Variants in NPY4R2 observed in about 807,000 individuals in gnomAD.
NPY4R2 encodes neuropeptide Y receptor Y4-2.
For missense variants in NPY4R2, 7 were observed against 268.8 expected, an observed-to-expected ratio of 0.03 and a Z score of 6.81; for synonymous variants, 6 against 115.2, an observed-to-expected ratio of 0.05 and a Z score of 6.07.
At chr10:47,920,177 C>G (rs1396718518) in intron 1 of NPY4R2, among the ~76,000 whole-genome samples, 2 of 76,494 alleles carry the variant, frequency 2.6e-5, no homozygotes, top group Non-Finnish European at 4.7e-5. Context: ...TCCTAAATAA[C>G]CAGACTGTAA....
intron 2 of NPY4R2, among the ~76,000 whole-genome samples, chr10:47,921,337 G>A (rs1464610565): frequency 3.3e-5 from 5 of 149,930 alleles, no homozygotes; most frequent in Non-Finnish European, 7.5e-5. Context: ...GGATCCCCGA[G>A]GCTTTAGCTC....
rs1841770002 is a variant in NPY4R2, at chr10:47,921,922, C to G, written c.-59-7C>G. 3.1e-6 allele frequency: 1 copy of G among 317,956 alleles called. No homozygotes were observed. The highest frequency in any genetic ancestry group is 2.4e-5 in the African/African-American group (1 of 42,488). The allele number at this position is 317,956 out of a possible 1,614,324, so 19.7% of individuals were successfully genotyped here. A position where few individuals can be genotyped will look rare whatever the true frequency, so the allele number is the denominator to read the frequency against. ...CCCTGAGTATTGTTTGTCTGTTTGC[C>G]TTGTAGGCGTCATCCCTCAAGTGTA... On this transcript the variant is annotated splice_region_variant and splice_polypyrimidine_tract_variant and intron_variant, in intron 2 of 2. Coordinates refer to ENST00000576178, the Ensembl canonical transcript of NPY4R2.
At chr10:47,915,001 G>A (rs1343666847), upstream of NPY4R2, among the ~76,000 whole-genome samples, 1 of 152,278 alleles carries the variant, frequency 6.6e-6, no homozygotes, top group Non-Finnish European at 1.5e-5. Context: ...ATAAGTACTG[G>A]AAAATAAACT....
chr10:47,922,206 C>T, exon 3 of NPY4R2: 1 of 517,410 alleles, frequency 1.9e-6, no homozygotes, highest in Admixed American at 4.5e-5. Flanking sequence ...AGGAGAAAGC[C>T]AACGTGACCA....
intron 2 of NPY4R2, among the ~76,000 whole-genome samples, chr10:47,921,330 TC>T (rs1332844159): frequency 5.4e-5 from 8 of 148,218 alleles, no homozygotes; most frequent in Admixed American, 1.3e-4. Flanking sequence ...TGATTGTGGA[TC>T]CCCGAGGCTT....
At chr10:47,920,294 T>C (rs1259235054) in intron 1 of NPY4R2, among the ~76,000 whole-genome samples, 2 of 84,114 alleles carry the variant, frequency 2.4e-5, no homozygotes, top group Non-Finnish European at 4.6e-5. Context: ...TGGAGTGCAG[T>C]GGTGCACTCT....
At chr10:47,916,558 A>G (rs1389386746), upstream of NPY4R2, among the ~76,000 whole-genome samples, 14 of 130,530 alleles carry the variant, frequency 1.1e-4, no homozygotes, top group African/African-American at 3.4e-4. Context: ...AAGACACTCT[A>G]CTTCTTTGAG....
chr10:47,915,031 T>C (rs1459348377), upstream of NPY4R2, among the ~76,000 whole-genome samples: 1 of 152,250 alleles, frequency 6.6e-6, no homozygotes, highest in African/African-American at 2.4e-5. Flanking sequence ...GGATAGCTGA[T>C]GTGGCTTCCC....
At chr10:47,918,380 A>AGC (rs1841689614), upstream of NPY4R2, among the ~76,000 whole-genome samples, 1 of 16,464 alleles carries the variant, frequency 6.1e-5, no homozygotes, top group Admixed American at 8.3e-4. Flanking sequence ...AGAGAGAGAG[A>AGC]GAGAGAAAGA....
chr10:47,918,374 AG>A (rs1554991266), upstream of NPY4R2, among the ~76,000 whole-genome samples: 17 of 19,694 alleles, frequency 8.6e-4, 1 homozygote, highest in Admixed American at 3.5e-3. Flanking sequence ...AGAGAGAGAG[AG>A]AGAGAGAGAG....
At chr10:47,918,431 A>AAGAAAG (rs1554991177), upstream of NPY4R2, among the ~76,000 whole-genome samples, 1 of 31,096 alleles carries the variant, frequency 3.2e-5, no homozygotes, top group East Asian at 5.7e-4. Context: ...GAAAGAAAGA[A>AAGAAAG]AGAGAGAGAG....
At chr10:47,918,385 GAAAGAA>G (rs1311250762), upstream of NPY4R2, among the ~76,000 whole-genome samples, 1 of 13,108 alleles carries the variant, frequency 7.6e-5, no homozygotes, top group East Asian at 1.0e-3. Flanking sequence ...GAGAGAGAGA[GAAAGAA>G]AGAAAGAAAG....
At chr10:47,918,369 G>A (rs61843303), upstream of NPY4R2, among the ~76,000 whole-genome samples, 122 of 17,758 alleles carry the variant, frequency 6.9e-3, 2 homozygotes, top group African/African-American at 0.028. Flanking sequence ...GAGAGAGAGA[G>A]AGAGAGAGAG....
chr10:47,918,370 AG>A (rs1555252038), upstream of NPY4R2, among the ~76,000 whole-genome samples: 165 of 20,272 alleles, frequency 8.1e-3, no homozygotes, highest in African/African-American at 0.025. Context: ...AGAGAGAGAG[AG>A]AGAGAGAGAG....
intron 1 of NPY4R2, 93 bp from the exon 2 acceptor site, chr10:47,920,645 T>C (rs1414318642): frequency 1.6e-4 from 20 of 124,252 alleles, no homozygotes; most frequent in Admixed American, 1.7e-4. Flanking sequence ...ACTTAAAGAA[T>C]ATCTCGAATA....
chr10:47,921,729 G>A (rs1453494028), intron 2 of NPY4R2, among the ~76,000 whole-genome samples, 200 bp from the exon 3 acceptor site: 1 of 151,350 alleles, frequency 6.6e-6, no homozygotes, highest in Non-Finnish European at 1.5e-5. Flanking sequence ...GCTGAGCACA[G>A]TACCCAGCAT....
chr10:47,916,564 T>C (rs1186410771), upstream of NPY4R2, among the ~76,000 whole-genome samples: 2 of 130,800 alleles, frequency 1.5e-5, no homozygotes, highest in African/African-American at 2.6e-5. Flanking sequence ...CTCTACTTCT[T>C]TGAGGCTCAG....
chr10:47,915,057 C>T (rs1241360832), upstream of NPY4R2, among the ~76,000 whole-genome samples: 2 of 152,136 alleles, frequency 1.3e-5, no homozygotes, highest in South Asian at 2.1e-4. Context: ...TATAGCCTTC[C>T]ATGAAAAAAG....
chr10:47,918,383 G>GAGAA (rs1227500817), upstream of NPY4R2, among the ~76,000 whole-genome samples: 1,914 of 10,494 alleles, frequency 0.18, 521 homozygotes, highest in Middle Eastern at 0.3. Flanking sequence ...GAGAGAGAGA[G>GAGAA]AGAAAGAAAG....
Sources: gnomAD v4.1 joint callset for allele counts (sites outside exome capture counted in the v4.1 genomes callset) on GRCh38, gnomAD v4.1.1 for gene constraint, MANE v1.5 for transcripts, NCBI Gene and HGNC (gene_info 2026-07-23, HGNC 2026-07-21) for gene names.